Variants in DOCK7 observed in about 807,000 individuals in gnomAD.
DOCK7 encodes dedicator of cytokinesis protein 7.
A neutral mutation model predicts 271.0 loss-of-function variants in DOCK7; 138 were observed. That is an observed-to-expected ratio of 0.51 (90% CI 0.44 to 0.59). The LOEUF (loss-of-function observed/expected upper bound fraction) is 0.59. Ranked by LOEUF, DOCK7 falls within the 20% of genes least tolerant of loss-of-function variation. The pLI is 0.00. For missense variants in DOCK7, 2,066 were observed against 2,592.4 expected, an observed-to-expected ratio of 0.80 and a Z score of 4.41; for synonymous variants, 823 against 876.1, an observed-to-expected ratio of 0.94 and a Z score of 1.07.
At chr1:62,461,086 A>G (rs548080409) in intron 48 of DOCK7, 7 of 151,946 alleles carry the variant, frequency 4.6e-5, no homozygotes, top group Admixed American at 4.6e-4. Flanking sequence ...CATATTAAAA[A>G]CTCTTTGCAT....
At chr1:62,505,090 C>A (rs1344671278) in intron 36 of DOCK7, among the ~76,000 whole-genome samples, 2 of 152,130 alleles carry the variant, frequency 1.3e-5, no homozygotes, top group East Asian at 3.8e-4. Context: ...ACTTAGTAAT[C>A]AACATATATG....
At chr1:62,541,118 AG>A (rs1462589480) in intron 25 of DOCK7, among the ~76,000 whole-genome samples, 2 of 145,576 alleles carry the variant, frequency 1.4e-5, no homozygotes, top group Admixed American at 7.1e-5. Context: ...CTTTTTTGGA[AG>A]AAAAAGTTTC....
chr1:62,620,906 G>T (rs1479150648), intron 12 of DOCK7, among the ~76,000 whole-genome samples: 2 of 144,132 alleles, frequency 1.4e-5, no homozygotes. Context: ...AAAAAAAAAG[G>T]AAAGAAAACC....
At chr1:62,618,580 G>A (rs1652742526) in intron 14 of DOCK7, 126 bp downstream of exon 14, 1 of 761,228 alleles carries the variant, frequency 1.3e-6, no homozygotes, top group South Asian at 1.8e-5. Flanking sequence ...ATAAAATTGT[G>A]CGGTAAGAGA....
chr1:62,650,451 A>C (rs952424917), intron 4 of DOCK7, among the ~76,000 whole-genome samples: 1 of 152,200 alleles, frequency 6.6e-6, no homozygotes, highest in African/African-American at 2.4e-5. Context: ...AATGGGATCT[A>C]ATTAAACTAA....
At chr1:62,606,769 C>T (rs1205773398) in intron 14 of DOCK7, among the ~76,000 whole-genome samples, 1 of 152,108 alleles carries the variant, frequency 6.6e-6, no homozygotes, top group African/African-American at 2.4e-5. Context: ...GACATTCTAT[C>T]TGCTCTCACG....
chr1:62,544,560 T>C (rs1357703236), intron 23 of DOCK7, among the ~76,000 whole-genome samples: 3 of 152,198 alleles, frequency 2.0e-5, no homozygotes, highest in African/African-American at 7.2e-5. Context: ...AATGATACAA[T>C]AGTTACACTT....
rs367764603 is a variant in DOCK7, at chr1:62,494,407, T to C, written c.5085A>G (p.Ala1695=). ...GATTGCTTCGTTCTGAGTGCTTGCC[T>C]GCCATGTTCTGCAACCAGGTCAATC... ...DLRLTWLQNM[A]GKHSERSNHA... The change falls in exon 40 of 50, where the codon GCA becomes GCG. Residue 1695 remains alanine (A), a synonymous_variant. Transcript: ENST00000635253. 7 of 1,612,820 alleles carry C rather than the reference T, an allele frequency of 4.3e-6. No homozygotes were observed. The highest frequency in any genetic ancestry group is 4.0e-5 in the African/African-American group (3 of 75,038).
chr1:62,576,197 A>G (rs1238093886), intron 18 of DOCK7, among the ~76,000 whole-genome samples: 2 of 152,264 alleles, frequency 1.3e-5, no homozygotes, highest in Non-Finnish European at 2.9e-5. Flanking sequence ...TAGAGAATAA[A>G]TAAGCAAAAA....
rs180790123 is a variant in DOCK7 at position 62,610,537 on chromosome 1, T to C, written c.1682+8169A>G. Among the ~76,000 whole-genome samples, 82 of 152,262 alleles carry C rather than the reference T, an allele frequency of 5.4e-4. No homozygotes were observed. In the Middle Eastern group the frequency reaches 0.01, roughly 19 times the overall value. On this transcript the variant is annotated intron_variant, in intron 14 of 49. Coordinates refer to ENST00000635253, the MANE Select transcript of DOCK7 (RefSeq NM_001367561.1). ...AACGTGCAGTTTTGTTACATAGGTA[T>C]ACACGTGGTATGGTGGTTTGCTGCA...
chr1:62,564,253 A>G (rs1436855444), intron 18 of DOCK7, among the ~76,000 whole-genome samples: 2 of 152,202 alleles, frequency 1.3e-5, no homozygotes, highest in African/African-American at 4.8e-5. Flanking sequence ...CAACAAATCA[A>G]CAGAATATAC....
At chr1:62,540,945 A>G (rs140829111) in intron 25 of DOCK7, among the ~76,000 whole-genome samples, 382 of 152,316 alleles carry the variant, frequency 2.5e-3, no homozygotes, top group African/African-American at 8.8e-3. Context: ...TCACTTATAT[A>G]TAGTCCCTGA....
At chr1:62,576,616 G>A (rs1463518153) in intron 18 of DOCK7, among the ~76,000 whole-genome samples, 2 of 152,162 alleles carry the variant, frequency 1.3e-5, no homozygotes, top group East Asian at 1.9e-4. Context: ...ACGTATTTTA[G>A]AGTAACATTT....
At position 62,625,312 on chromosome 1, in the gene DOCK7, T is replaced by C. The variant is rs367709207; in HGVS notation, c.1372A>G (p.Asn458Asp). The C allele has an allele frequency of 1.3e-5, 21 of 1,613,908 alleles. No homozygotes were observed. The highest frequency in any genetic ancestry group is 1.8e-5 in the Non-Finnish European group (21 of 1,179,956). ...ERTTSGDDAC[N>D]LTSFRPATLT... Reference sequence around the variant, plus strand: ...GTAGCTGGTCGAAAGCTCGTCAAGTTACAAGCATCATCTCCACTTGTTGTC... The same window carrying C: ...GTAGCTGGTCGAAAGCTCGTCAAGTCACAAGCATCATCTCCACTTGTTGTC... The change falls in exon 12 of 50, where the codon AAC (asparagine) becomes GAC (aspartate). Residue 458 changes from asparagine to aspartate, a missense_variant. By Grantham distance (23) the Asn-to-Asp change is conservative (BLOSUM62 1). Coordinates refer to ENST00000635253, the MANE Select transcript of DOCK7 (RefSeq NM_001367561.1).
intron 14 of DOCK7, among the ~76,000 whole-genome samples, chr1:62,609,881 T>C (rs1651537614): frequency 6.6e-6 from 1 of 152,114 alleles, no homozygotes; most frequent in East Asian, 1.9e-4. Context: ...TCACCCAGGC[T>C]GGAGTGCAGT....
chr1:62,556,565 A>G (rs1026011603), intron 20 of DOCK7, among the ~76,000 whole-genome samples: 3 of 151,858 alleles, frequency 2.0e-5, no homozygotes, highest in Non-Finnish European at 4.4e-5. Context: ...TTGAGGTAAG[A>G]CTACAGCATT....
intron 41 of DOCK7, among the ~76,000 whole-genome samples, chr1:62,490,643 T>C (rs1421451809): frequency 2.0e-5 from 3 of 152,184 alleles, no homozygotes; most frequent in South Asian, 2.1e-4. Context: ...ATCAGATTAA[T>C]TGAAAAAGAA....
At chr1:62,668,313 T>C (rs17123743) in intron 1 of DOCK7, among the ~76,000 whole-genome samples, 5,542 of 152,184 alleles carry the variant, frequency 0.036, 249 homozygotes, top group African/African-American at 0.11. Context: ...AGTTTTAGTG[T>C]AAAAAAGACT....
intron 31 of DOCK7, among the ~76,000 whole-genome samples, 170 bp downstream of exon 31, chr1:62,527,981 T>C (rs1209890598): frequency 6.6e-6 from 1 of 152,182 alleles, no homozygotes; most frequent in Non-Finnish European, 1.5e-5. Flanking sequence ...AATCATTTTT[T>C]AAAACTGTTT....
Sources: allele counts gnomAD v4.1 joint callset (sites outside exome capture counted in the v4.1 genomes callset), GRCh38; gene constraint gnomAD v4.1.1; transcripts MANE v1.5; gene names NCBI Gene and HGNC (gene_info 2026-07-23, HGNC 2026-07-21).